Variants in LARGE1 observed in about 807,000 individuals in gnomAD.
LARGE1 encodes the protein LARGE xylosyl- and glucuronyltransferase 1, also known as xylosyl- and glucuronyltransferase LARGE1.
In LARGE1, 43 loss-of-function variants were observed where a neutral mutation model predicts 87.6. That is an observed-to-expected ratio of 0.49 (90% CI 0.38 to 0.63). The LOEUF (loss-of-function observed/expected upper bound fraction) is 0.63, where lower values mean the gene tolerates loss of function less well. Ranked by LOEUF, LARGE1 falls within the 30% of genes least tolerant of loss-of-function variation. The probability of loss-of-function intolerance (pLI) is 0.00; values close to 1 mark genes in which losing one functional copy is unlikely to be tolerated. For missense variants in LARGE1, 802 were observed against 1,000.2 expected, an observed-to-expected ratio of 0.80 and a Z score of 2.67; for synonymous variants, 434 against 394.6, an observed-to-expected ratio of 1.10 and a Z score of -1.18.
chr22:33,122,712 G>C, the LARGE1 span, among the ~76,000 whole-genome samples: 1 of 152,138 alleles, frequency 6.6e-6, no homozygotes, highest in Non-Finnish European at 1.5e-5. Context: ...GGCATGTCAT[G>C]CCACCTTAAA....
At chr22:33,074,429 C>G in the LARGE1 span, among the ~76,000 whole-genome samples, 21 of 152,320 alleles carry the variant, frequency 1.4e-4, no homozygotes, top group South Asian at 4.4e-3. Context: ...AATCCCAGCA[C>G]TTTGGGAGGC....
chr22:33,693,596 G>GCA (rs1460877936), intron 2 of LARGE1, among the ~76,000 whole-genome samples: 1 of 152,052 alleles, frequency 6.6e-6, no homozygotes, highest in Non-Finnish European at 1.5e-5. Flanking sequence ...AGGCCGAGGC[G>GCA]GGCGGATCAC....
At chr22:33,518,533 T>C (rs532214269) in intron 6 of LARGE1, among the ~76,000 whole-genome samples, 1 of 152,214 alleles carries the variant, frequency 6.6e-6, no homozygotes, top group Non-Finnish European at 1.5e-5. Flanking sequence ...GATCTCGAAC[T>C]CCTGACCTCA....
chr22:33,364,199 C>A (rs1468731358), intron 9 of LARGE1, among the ~76,000 whole-genome samples: 3 of 152,114 alleles, frequency 2.0e-5, no homozygotes, highest in Non-Finnish European at 4.4e-5. Flanking sequence ...GGACTACAGG[C>A]GCCCGCCACC....
chr22:33,848,712 C>T (rs1173802984), intron 1 of LARGE1, among the ~76,000 whole-genome samples: 1 of 152,140 alleles, frequency 6.6e-6, no homozygotes, highest in East Asian at 1.9e-4. Flanking sequence ...CTGAATAAAC[C>T]AGTATTCAGT....
At chr22:33,290,590 C>CGGCAGTT (rs1460844531) in intron 12 of LARGE1, among the ~76,000 whole-genome samples, 1 of 152,106 alleles carries the variant, frequency 6.6e-6, no homozygotes, top group Non-Finnish European at 1.5e-5. Context: ...GAGGAGTCAC[C>CGGCAGTT]GGCAGTTGGA....
At chr22:33,903,141 AAAAGGTAATT>A (rs1231614578) in intron 1 of LARGE1, among the ~76,000 whole-genome samples, 3 of 152,182 alleles carry the variant, frequency 2.0e-5, no homozygotes, top group Non-Finnish European at 1.5e-5. Flanking sequence ...TCAAAAAATA[AAAAGGTAATT>A]AAGTTAAAAT....
Position 33,708,935 on chromosome 22 carries a change from C to T in LARGE1, c.106+52436G>A, listed in dbSNP as rs2082643832. Among the ~76,000 whole-genome samples the T allele has an allele frequency of 5.3e-5, 8 of 152,178 alleles. No homozygotes were observed. The South Asian group carries it at 1.7e-3, about 31-fold the overall frequency. On this transcript the variant is annotated intron_variant, in intron 2 of 14. Transcript: ENST00000397394. ...TCTTCTGCGGCCTCTCCTTGGCCTG[C>T]AGCTGGCCATCTTCTGCTAGTGTCT... is the stretch of plus-strand genomic sequence containing the variant.
At chr22:33,774,251 T>C (rs900868654) in intron 1 of LARGE1, among the ~76,000 whole-genome samples, 5 of 132,710 alleles carry the variant, frequency 3.8e-5, no homozygotes, top group Admixed American at 2.2e-4. Flanking sequence ...ATCAATAGGC[T>C]TCCTTGGATA....
chr22:33,603,981 G>T (rs2079179972), intron 5 of LARGE1, among the ~76,000 whole-genome samples: 1 of 152,126 alleles, frequency 6.6e-6, no homozygotes, highest in Non-Finnish European at 1.5e-5. Context: ...CATGAGTTTG[G>T]TATTTCATCC....
chr22:33,844,435 C>T lies in LARGE1; in HGVS notation c.-83+75560G>A, dbSNP rs550368391. Among the ~76,000 whole-genome samples, 132 of 152,266 alleles carry T rather than the reference C, an allele frequency of 8.7e-4. 2 individuals are homozygous for T. Among genetic ancestry groups the T allele is most frequent in the Non-Finnish European group, 1.7e-3 (118 of 68,030 alleles). On this transcript the variant is annotated intron_variant, in intron 1 of 14. Transcript: ENST00000397394. ...TAAGTGCATCTCCAATGGGGCTCTC[C>T]TTTCGGTGCTTTGAACACAGGAAGT...
At chr22:33,085,353 G>A in the LARGE1 span, among the ~76,000 whole-genome samples, 212 of 152,318 alleles carry the variant, frequency 1.4e-3, no homozygotes, top group Non-Finnish European at 2.1e-3. Flanking sequence ...TCTAAAAACA[G>A]AATGGAATAT....
At chr22:33,510,431 G>A (rs1359527627) in intron 6 of LARGE1, among the ~76,000 whole-genome samples, 2 of 152,198 alleles carry the variant, frequency 1.3e-5, no homozygotes, top group Non-Finnish European at 2.9e-5. Context: ...AAAAGTGGAG[G>A]TAAAATTGGA....
chr22:33,635,550 G>A (rs2080244549), intron 3 of LARGE1, among the ~76,000 whole-genome samples: 2 of 151,994 alleles, frequency 1.3e-5, no homozygotes, highest in Non-Finnish European at 2.9e-5. Flanking sequence ...TATCAAACAA[G>A]GGATTTAGAA....
At position 33,324,010 on chromosome 22, in the gene LARGE1, T is replaced by A. The variant is rs1936995636; in HGVS notation, c.1288-7762A>T. Among the ~76,000 whole-genome samples, 7 of 151,790 alleles carry A rather than the reference T, an allele frequency of 4.6e-5. No homozygotes were observed. In the South Asian group the frequency reaches 1.0e-3, roughly 22 times the overall value. On this transcript the variant is annotated intron_variant, in intron 10 of 14. Transcript: ENST00000397394. The stretch of plus-strand genomic sequence containing the variant: ...ACTTTGGGAAGCTGAGGCGGGTGGA[T>A]CACCTGAGGTCGGGAGTTCGAGACC...
At chr22:33,654,972 A>G (rs2080920739) in intron 2 of LARGE1, among the ~76,000 whole-genome samples, 1 of 152,234 alleles carries the variant, frequency 6.6e-6, no homozygotes. Context: ...ACACTACGTT[A>G]ATCAAGACTA....
At chr22:33,580,464 T>G (rs191443264) in intron 5 of LARGE1, among the ~76,000 whole-genome samples, 5 of 152,118 alleles carry the variant, frequency 3.3e-5, no homozygotes, top group African/African-American at 9.6e-5. Context: ...GCAGAGGACC[T>G]TACAGAATCG....
intron 6 of LARGE1, among the ~76,000 whole-genome samples, chr22:33,478,401 C>T (rs955747180): frequency 1.3e-5 from 2 of 152,220 alleles, no homozygotes; most frequent in African/African-American, 4.8e-5. Context: ...GCCTAGAACA[C>T]CTATTAACAT....
At chr22:33,296,770 T>C (rs1933334454) in intron 12 of LARGE1, among the ~76,000 whole-genome samples, 1 of 152,094 alleles carries the variant, frequency 6.6e-6, no homozygotes, top group Non-Finnish European at 1.5e-5. Context: ...GGTTTCTCCA[T>C]GTTGGTCAGG....
Sources: gnomAD v4.1 joint callset for allele counts (sites outside exome capture counted in the v4.1 genomes callset) on GRCh38, gnomAD v4.1.1 for gene constraint, MANE v1.5 for transcripts, NCBI Gene and HGNC (gene_info 2026-07-23, HGNC 2026-07-21) for gene names.